The following MACROD2 variants were observed in gnomAD, a reference collection of about 807,000 sequenced individuals.
MACROD2 encodes the protein mono-ADP ribosylhydrolase 2, also known as ADP-ribose glycohydrolase MACROD2.
A neutral mutation model predicts 70.4 loss-of-function variants in MACROD2; 36 were observed. The observed-to-expected ratio is 0.51, with a 90% CI of 0.39 to 0.68. The LOEUF is 0.68. MACROD2 is among the 30% of genes least tolerant of loss of function. The pLI is 0.00. For missense variants in MACROD2, 496 were observed against 538.4 expected, an observed-to-expected ratio of 0.92 and a Z score of 0.78; for synonymous variants, 172 against 178.8, an observed-to-expected ratio of 0.96 and a Z score of 0.30.
intron 8 of MACROD2, among the ~76,000 whole-genome samples, chr20:15,519,104 TTCCTTCCTTCC>T (rs1217109595): frequency 1.7e-4 from 26 of 149,038 alleles, no homozygotes; most frequent in African/African-American, 6.4e-4. Context: ...CCTTCCTTCC[TTCCTTCCTTCC>T]TTCCTTTCTT....
chr20:15,474,032 C>T (rs947276010), intron 7 of MACROD2, among the ~76,000 whole-genome samples: 1 of 152,140 alleles, frequency 6.6e-6, no homozygotes, highest in East Asian at 1.9e-4. Context: ...CATGCCATTG[C>T]GGACCTCAGT....
At chr20:15,901,075 T>C (rs568828454) in intron 10 of MACROD2, among the ~76,000 whole-genome samples, 2 of 152,282 alleles carry the variant, frequency 1.3e-5, no homozygotes, top group South Asian at 4.1e-4. Flanking sequence ...CAAAATACTT[T>C]TGCAAGCAGA....
At chr20:15,351,551 C>T (rs2078226928) in intron 6 of MACROD2, among the ~76,000 whole-genome samples, 2 of 152,152 alleles carry the variant, frequency 1.3e-5, no homozygotes, top group South Asian at 4.1e-4. Flanking sequence ...AGGCTCCTCC[C>T]TATGCATCAC....
intron 8 of MACROD2, among the ~76,000 whole-genome samples, chr20:15,836,557 G>A (rs2064116524): frequency 2.0e-5 from 3 of 152,138 alleles, no homozygotes; most frequent in African/African-American, 4.8e-5. Flanking sequence ...ACAAGAAAAA[G>A]CATTCATTTA....
intron 5 of MACROD2, among the ~76,000 whole-genome samples, chr20:14,700,135 T>C (rs1156877013): frequency 6.6e-6 from 1 of 152,172 alleles, no homozygotes; most frequent in Non-Finnish European, 1.5e-5. Context: ...GTTTAAAGTT[T>C]AACTTCTCCT....
chr20:14,318,981 T>G (rs1287547089), intron 3 of MACROD2, among the ~76,000 whole-genome samples: 1 of 152,306 alleles, frequency 6.6e-6, no homozygotes, highest in East Asian at 1.9e-4. Flanking sequence ...ACTACCAACA[T>G]TTGATTAAAG....
chr20:16,026,912 C>T (rs1234658490), intron 15 of MACROD2, among the ~76,000 whole-genome samples: 2 of 152,090 alleles, frequency 1.3e-5, no homozygotes, highest in South Asian at 2.1e-4. Context: ...CTTTTGGTTG[C>T]ATGTTTAGTT....
At chr20:15,801,653 C>T (rs559495165) in intron 8 of MACROD2, among the ~76,000 whole-genome samples, 1 of 152,108 alleles carries the variant, frequency 6.6e-6, no homozygotes, top group Non-Finnish European at 1.5e-5. Context: ...CAGCTTTGTT[C>T]TTTTTGCTCA....
At chr20:14,191,559 A>G (rs978589459) in intron 3 of MACROD2, among the ~76,000 whole-genome samples, 1 of 152,226 alleles carries the variant, frequency 6.6e-6, no homozygotes, top group Non-Finnish European at 1.5e-5. Context: ...AACAAAATAT[A>G]TATTTTGAGA....
At chr20:15,212,903 C>T (rs779346566) in intron 5 of MACROD2, among the ~76,000 whole-genome samples, 2 of 152,182 alleles carry the variant, frequency 1.3e-5, no homozygotes, top group Non-Finnish European at 2.9e-5. Context: ...AGACCTACTA[C>T]TGAAATAGAA....
At chr20:14,293,748 G>GTT (rs974087813) in intron 3 of MACROD2, among the ~76,000 whole-genome samples, 3 of 151,816 alleles carry the variant, frequency 2.0e-5, no homozygotes, top group African/African-American at 7.3e-5. Context: ...ATCCAATGGA[G>GTT]GAAAATGATC....
At chr20:15,754,056 A>C (rs2051311169) in intron 8 of MACROD2, among the ~76,000 whole-genome samples, 1 of 152,212 alleles carries the variant, frequency 6.6e-6, no homozygotes, top group African/African-American at 2.4e-5. Flanking sequence ...GAAGATATGA[A>C]TGACTCATGT....
chr20:14,661,748 A>T (rs181343297), intron 4 of MACROD2, among the ~76,000 whole-genome samples: 1 of 152,028 alleles, frequency 6.6e-6, no homozygotes, highest in South Asian at 2.1e-4. Context: ...CAATATTCCT[A>T]TATTTTATTA....
chr20:14,734,100 ATCT>A (rs1164861030), intron 5 of MACROD2, among the ~76,000 whole-genome samples: 1 of 152,122 alleles, frequency 6.6e-6, no homozygotes, highest in African/African-American at 2.4e-5. Flanking sequence ...ATTCTGACAC[ATCT>A]TCTTAAAAAC....
chr20:14,970,256 A>C (rs1039253565), intron 5 of MACROD2, among the ~76,000 whole-genome samples: 1 of 152,158 alleles, frequency 6.6e-6, no homozygotes, highest in East Asian at 1.9e-4. Context: ...CCTGGGGATT[A>C]TGGGAACTAC....
chr20:14,988,045 T>A (rs973229592), intron 5 of MACROD2, among the ~76,000 whole-genome samples: 1 of 151,870 alleles, frequency 6.6e-6, no homozygotes, highest in Non-Finnish European at 1.5e-5. Flanking sequence ...ATGTGGAAGA[T>A]CTTAATGAAT....
intron 4 of MACROD2, among the ~76,000 whole-genome samples, chr20:14,672,928 T>A (rs2070812287): frequency 6.6e-6 from 1 of 152,218 alleles, no homozygotes. Flanking sequence ...AGATAAAAAT[T>A]ATAAATATCA....
chr20:15,223,380 A>G (rs1486579550), intron 5 of MACROD2, among the ~76,000 whole-genome samples: 6 of 152,216 alleles, frequency 3.9e-5, no homozygotes, highest in Non-Finnish European at 8.8e-5. Context: ...TTCACCACTC[A>G]TAGGAAGTTA....
At chr20:15,890,935 C>CA (rs1242808815) in intron 10 of MACROD2, among the ~76,000 whole-genome samples, 1 of 152,042 alleles carries the variant, frequency 6.6e-6, no homozygotes, top group Non-Finnish European at 1.5e-5. Flanking sequence ...ATGAAATTCT[C>CA]AAGGCACTGC....
Sources: allele counts gnomAD v4.1 joint callset (sites outside exome capture counted in the v4.1 genomes callset), GRCh38; gene constraint gnomAD v4.1.1; transcripts MANE v1.5; gene names NCBI Gene and HGNC (gene_info 2026-07-23, HGNC 2026-07-21).